The following CMIP variants were observed in gnomAD, a reference collection of about 807,000 sequenced individuals.
CMIP encodes the protein c-Maf inducing protein.
Under a neutral mutation model 97.3 loss-of-function variants are expected in CMIP, and 13 were observed. That is an observed-to-expected ratio of 0.13 (90% CI 0.09 to 0.21). CMIP has a LOEUF of 0.21. Ranked by LOEUF, CMIP falls within the 10% of genes least tolerant of loss-of-function variation. The probability of loss-of-function intolerance (pLI) is 1.00; values close to 1 mark genes in which losing one functional copy is unlikely to be tolerated. For synonymous variants in CMIP, 538 were observed against 436.3 expected, an observed-to-expected ratio of 1.23 and a Z score of -2.91; for missense variants, 847 against 1,024.9, an observed-to-expected ratio of 0.83 and a Z score of 2.37.
intron 1 of CMIP, among the ~76,000 whole-genome samples, chr16:81,579,270 C>G (rs1442312105): frequency 6.6e-6 from 1 of 152,148 alleles, no homozygotes; most frequent in African/African-American, 2.4e-5. Context: ...GCAGCTGGTC[C>G]TCCTGGGGCC....
chr16:81,552,262 A>G (rs922449543), intron 1 of CMIP, among the ~76,000 whole-genome samples: 3 of 152,068 alleles, frequency 2.0e-5, no homozygotes, highest in Non-Finnish European at 4.4e-5. Context: ...ACTTGGGCTG[A>G]TAAGGGCTGG....
chr16:81,640,176 G>T (rs994097978), intron 3 of CMIP, among the ~76,000 whole-genome samples: 1 of 152,182 alleles, frequency 6.6e-6, no homozygotes, highest in South Asian at 2.1e-4. Context: ...CGTTTCTGAC[G>T]CAGGGCAGGG....
At chr16:81,588,910 CA>C (rs2091424710) in intron 1 of CMIP, among the ~76,000 whole-genome samples, 1 of 152,064 alleles carries the variant, frequency 6.6e-6, no homozygotes, top group African/African-American at 2.4e-5. Context: ...TCATAAAGCC[CA>C]ACTGGCTCTC....
intron 3 of CMIP, among the ~76,000 whole-genome samples, chr16:81,633,837 C>T (rs1410739271): frequency 6.6e-6 from 1 of 152,240 alleles, no homozygotes; most frequent in Non-Finnish European, 1.5e-5. Flanking sequence ...CCTTAGAAAG[C>T]ACACCCCAGA....
At chr16:81,497,441 A>C (rs755060038) in intron 1 of CMIP, among the ~76,000 whole-genome samples, 1 of 152,204 alleles carries the variant, frequency 6.6e-6, no homozygotes, top group East Asian at 1.9e-4. Context: ...AGGGGTCTCT[A>C]GGAACTGTTT....
intron 5 of CMIP, among the ~76,000 whole-genome samples, chr16:81,659,965 A>T (rs1341762124): frequency 1.3e-5 from 2 of 152,038 alleles, no homozygotes; most frequent in Admixed American, 1.3e-4. Context: ...TATTTGCCCT[A>T]TTGGCAATTA....
chr16:81,543,145 G>A (rs2090479912), intron 1 of CMIP, among the ~76,000 whole-genome samples: 1 of 152,232 alleles, frequency 6.6e-6, no homozygotes, highest in African/African-American at 2.4e-5. Flanking sequence ...GGCTTGCTGT[G>A]TGGCCTTGAA....
chr16:81,709,051 T>C (rs527841298), intron 20 of CMIP, among the ~76,000 whole-genome samples: 83 of 152,208 alleles, frequency 5.5e-4, no homozygotes, highest in African/African-American at 2.0e-3. Context: ...AAAAGCCAAC[T>C]GTTCATAAAG....
chr16:81,560,226 T>G (rs2090853066), intron 1 of CMIP, among the ~76,000 whole-genome samples: 1 of 110,894 alleles, frequency 9.0e-6, no homozygotes, highest in African/African-American at 2.8e-5. Flanking sequence ...TTGTTTTGTT[T>G]TTTTTTTTTT....
At chr16:81,586,369 G>A (rs150005877) in intron 1 of CMIP, among the ~76,000 whole-genome samples, 22 of 152,256 alleles carry the variant, frequency 1.4e-4, no homozygotes, top group Non-Finnish European at 8.8e-5. Context: ...TCGAAACAGC[G>A]ATAGTAGAAA....
chr16:81,519,308 A>G (rs1019232517), intron 1 of CMIP: 3 of 152,232 alleles, frequency 2.0e-5, no homozygotes, highest in African/African-American at 7.2e-5. Flanking sequence ...CAAAGCAAAC[A>G]CACACACAAA....
chr16:81,548,137 T>C (rs2150850673), intron 1 of CMIP, among the ~76,000 whole-genome samples: 1 of 149,388 alleles, frequency 6.7e-6, no homozygotes, highest in Admixed American at 6.6e-5. Context: ...TCACTTTTTT[T>C]TTTTTTTTTT....
At chr16:81,677,580 G>T (rs551216602) in intron 9 of CMIP, among the ~76,000 whole-genome samples, 1 of 152,192 alleles carries the variant, frequency 6.6e-6, no homozygotes, top group Non-Finnish European at 1.5e-5. Flanking sequence ...CCATTAAGAG[G>T]CCTAATTTCA....
intron 1 of CMIP, among the ~76,000 whole-genome samples, chr16:81,568,438 C>T (rs751789812): frequency 2.6e-5 from 4 of 152,194 alleles, no homozygotes; most frequent in South Asian, 2.1e-4. Flanking sequence ...GGCCGTGTGT[C>T]TCCCATCTCA....
chr16:81,702,268 C>T (rs537053965), intron 16 of CMIP, among the ~76,000 whole-genome samples: 1 of 152,074 alleles, frequency 6.6e-6, no homozygotes, highest in South Asian at 2.1e-4. Flanking sequence ...CTCCCTCACC[C>T]CTTCAGTGAG....
rs533356677 is a variant in CMIP at position 81,653,811 on chromosome 16, C to A, written c.639+1447C>A. Among the ~76,000 whole-genome samples, 283 of 152,370 alleles carry A rather than the reference C, an allele frequency of 1.9e-3. 1 individual carries two copies. Among genetic ancestry groups the A allele is most frequent in the Non-Finnish European group, 3.1e-3 (210 of 68,032 alleles). On this transcript the variant is annotated intron_variant, in intron 4 of 20. Transcript: ENST00000537098. Reference sequence around the variant, plus strand: ...TATTTTTAGTAGAGACAAGGTTTCACCGTGTTGGCCAGGCTGGTCTTGAAC... The same window carrying A: ...TATTTTTAGTAGAGACAAGGTTTCAACGTGTTGGCCAGGCTGGTCTTGAAC...
intron 18 of CMIP, 134 bp downstream of exon 18, chr16:81,704,219 C>G: frequency 1.8e-6 from 1 of 559,764 alleles, no homozygotes; most frequent in Non-Finnish European, 3.1e-6. Flanking sequence ...CCTGCCCCCT[C>G]CCCCTCCTCC....
intron 7 of CMIP, chr16:81,666,901 G>T (rs897277588): frequency 6.6e-6 from 1 of 151,346 alleles, no homozygotes. Flanking sequence ...CTCACTGAAT[G>T]CGCCCTGATG....
intron 1 of CMIP, among the ~76,000 whole-genome samples, chr16:81,489,090 C>T (rs1323032111): frequency 1.3e-5 from 2 of 152,080 alleles, no homozygotes; most frequent in African/African-American, 4.8e-5. Context: ...CCTGGCCATA[C>T]TCTCAGGCAC....
Sources: gnomAD v4.1 joint callset for allele counts (sites outside exome capture counted in the v4.1 genomes callset) on GRCh38, gnomAD v4.1.1 for gene constraint, MANE v1.5 for transcripts, NCBI Gene and HGNC (gene_info 2026-07-23, HGNC 2026-07-21) for gene names.